The following SCNN1B variants were observed in gnomAD, a reference collection of about 807,000 sequenced individuals.
SCNN1B encodes sodium channel epithelial 1 subunit beta.
In SCNN1B, 46 loss-of-function variants were observed where a neutral mutation model predicts 65.3. That is an observed-to-expected ratio of 0.70 (90% CI 0.56 to 0.90). SCNN1B has a LOEUF of 0.90. SCNN1B is among the 40% of genes least tolerant of loss of function. The pLI is 0.00. For missense variants in SCNN1B, 751 were observed against 830.5 expected (o/e 0.90, Z 1.18); for synonymous variants, 349 against 330.6 (o/e 1.06, Z -0.60).
At chr16:23,374,305 G>A (rs1484996384) in intron 7 of SCNN1B, among the ~76,000 whole-genome samples, 4 of 148,870 alleles carry the variant, frequency 2.7e-5, no homozygotes, top group Non-Finnish European at 4.4e-5. Context: ...CGGGCGCGAT[G>A]GCTCACACCT....
chr16:23,307,575 C>T (rs1961247671), intron 1 of SCNN1B, among the ~76,000 whole-genome samples: 1 of 152,116 alleles, frequency 6.6e-6, no homozygotes, highest in Non-Finnish European at 1.5e-5. Context: ...CCACCTCGGA[C>T]TCCCAAAGTG....
At chr16:23,323,667 A>G (rs1961634358) in intron 1 of SCNN1B, 1 of 698,682 alleles carries the variant, frequency 1.4e-6, no homozygotes, top group South Asian at 1.5e-5. Context: ...ATTGTAAAGG[A>G]AAGTGCAAGG....
intron 1 of SCNN1B, among the ~76,000 whole-genome samples, chr16:23,278,578 G>A (rs1022730569): frequency 1.3e-5 from 2 of 151,862 alleles, no homozygotes; most frequent in Admixed American, 1.3e-4. Flanking sequence ...ACGGGAGGGG[G>A]GTAACTGCTT....
At chr16:23,307,295 CTTTTTT>C (rs761118487) in intron 1 of SCNN1B, among the ~76,000 whole-genome samples, 1 of 113,318 alleles carries the variant, frequency 8.8e-6, no homozygotes, top group Non-Finnish European at 1.7e-5. Context: ...GCCTGTGCTC[CTTTTTT>C]TTTTTTTTTT....
chr16:23,296,038 C>A (rs897900928), intron 2 of SCNN1B, among the ~76,000 whole-genome samples: 2 of 152,116 alleles, frequency 1.3e-5, no homozygotes, highest in Non-Finnish European at 2.9e-5. Flanking sequence ...TTTCTGGGAA[C>A]AATGTGAAAA....
intron 4 of SCNN1B, among the ~76,000 whole-genome samples, chr16:23,360,688 CG>C (rs1567311716): frequency 5.3e-5 from 8 of 151,308 alleles, no homozygotes. Flanking sequence ...CTCTGCCTCC[CG>C]GGTTCAAGTG....
chr16:23,366,584 A>G (rs1175287743), intron 4 of SCNN1B, among the ~76,000 whole-genome samples: 1 of 152,052 alleles, frequency 6.6e-6, no homozygotes, highest in Non-Finnish European at 1.5e-5. Context: ...AAATACACAA[A>G]TTAGCCGGGT....
intron 4 of SCNN1B, among the ~76,000 whole-genome samples, chr16:23,361,811 G>GT (rs557823242): frequency 4.2e-4 from 64 of 151,616 alleles, no homozygotes; most frequent in Non-Finnish European, 8.4e-4. Flanking sequence ...TTTTGTTTTT[G>GT]TTTTTTTTGA....
intron 8 of SCNN1B, among the ~76,000 whole-genome samples, chr16:23,376,757 A>AAAAG (rs563920191): frequency 6.6e-6 from 1 of 151,840 alleles, no homozygotes; most frequent in Non-Finnish European, 1.5e-5. Flanking sequence ...AAAAAAAAAA[A>AAAAG]AAAGAAAGAA....
At chr16:23,330,484 C>T (rs776842857) in intron 1 of SCNN1B, among the ~76,000 whole-genome samples, 14 of 152,148 alleles carry the variant, frequency 9.2e-5, no homozygotes, top group Non-Finnish European at 1.3e-4. Flanking sequence ...GCCTTGCTTT[C>T]GGATCCTGCA....
At chr16:23,287,732 ACACT>A (rs1001414158) in intron 2 of SCNN1B, among the ~76,000 whole-genome samples, 1 of 152,018 alleles carries the variant, frequency 6.6e-6, no homozygotes, top group Non-Finnish European at 1.5e-5. Flanking sequence ...TGACAGAGTG[ACACT>A]CAGTCTAAAA....
chr16:23,316,137 C>T (rs1199682990), intron 1 of SCNN1B, among the ~76,000 whole-genome samples: 5 of 147,888 alleles, frequency 3.4e-5, no homozygotes, highest in African/African-American at 1.3e-4. Flanking sequence ...ACTATCCTCA[C>T]CACCATCACC....
intron 2 of SCNN1B, among the ~76,000 whole-genome samples, chr16:23,290,493 A>G (rs1355102526): frequency 6.6e-6 from 1 of 152,108 alleles, no homozygotes; most frequent in Admixed American, 6.5e-5. Context: ...TTTGTTGTAG[A>G]GACCAGGTCT....
At chr16:23,294,396 C>CA (rs961159022) in intron 2 of SCNN1B, among the ~76,000 whole-genome samples, 2 of 151,724 alleles carry the variant, frequency 1.3e-5, no homozygotes, top group East Asian at 1.9e-4. Flanking sequence ...GACCCTGTCT[C>CA]AAAAAACAAA....
intron 1 of SCNN1B, among the ~76,000 whole-genome samples, chr16:23,319,077 T>C (rs892609818): frequency 4.6e-5 from 7 of 151,630 alleles, no homozygotes; most frequent in African/African-American, 1.7e-4. Context: ...AGCCTCACTC[T>C]GTGCCCAGGC....
chr16:23,358,861 T>G (rs1962474898), intron 4 of SCNN1B, among the ~76,000 whole-genome samples: 1 of 152,236 alleles, frequency 6.6e-6, no homozygotes, highest in African/African-American at 2.4e-5. Flanking sequence ...GAGCCGAGGT[T>G]GTGCCACTGC....
At chr16:23,291,810 G>A (rs1353319748) in intron 2 of SCNN1B, among the ~76,000 whole-genome samples, 1 of 150,784 alleles carries the variant, frequency 6.6e-6, no homozygotes, top group Non-Finnish European at 1.5e-5. Context: ...CCAACTCCTG[G>A]ACTCAAGCCA....
Position 23,368,922 on chromosome 16 carries a change from G to T in SCNN1B, c.880+963G>T. Among the ~76,000 whole-genome samples, 3 of 152,250 alleles carry T rather than the reference G, an allele frequency of 2.0e-5. No homozygotes were observed. In the East Asian group the frequency reaches 5.8e-4, roughly 29 times the overall value. ...GTGGGAGGGTAGGAGGCAGGTGAGG[G>T]ACAAGAAATTAATGAGTACAGTATA... On this transcript the variant is annotated intron_variant, in intron 5 of 12. Transcript: ENST00000343070.
At position 23,335,717 on chromosome 16, in the gene SCNN1B, G is replaced by A. The variant is rs151089182; in HGVS notation, c.-8-12875G>A. On this transcript the variant is annotated intron_variant, in intron 1 of 12. Transcript: ENST00000343070. ...CTGCCTCAGCCTCCCAAAGTGCTGG[G>A]ATTATAGGTGTGAGCCACTGTGCCC... Among the ~76,000 whole-genome samples the A allele has an allele frequency of 2.8e-3, 420 of 151,846 alleles. 2 individuals are homozygous for A. The highest frequency in any genetic ancestry group is 0.014 in the Middle Eastern group (4 of 292).
Sources: gnomAD v4.1 joint callset for allele counts (sites outside exome capture counted in the v4.1 genomes callset) on GRCh38, gnomAD v4.1.1 for gene constraint, MANE v1.5 for transcripts, NCBI Gene and HGNC (gene_info 2026-07-23, HGNC 2026-07-21) for gene names.